WDR70: variants seen among roughly 807,000 people sequenced by gnomAD.
WDR70 encodes WD repeat domain 70, also known as WD repeat-containing protein 70.
Under a neutral mutation model 88.6 loss-of-function variants are expected in WDR70, and 53 were observed. The observed-to-expected ratio is 0.60, with a 90% CI of 0.48 to 0.75. The LOEUF (loss-of-function observed/expected upper bound fraction) is 0.75, where lower values mean the gene tolerates loss of function less well. Among genes scored for constraint, WDR70 ranks in the 30% least tolerant of loss-of-function variants. The pLI is 0.00. For missense variants in WDR70, 610 were observed against 823.2 expected (o/e 0.74, Z 3.17); for synonymous variants, 280 against 270.0 (o/e 1.04, Z -0.36).
At chr5:37,420,750 A>G (rs188291749) in intron 5 of WDR70, among the ~76,000 whole-genome samples, 1 of 152,156 alleles carries the variant, frequency 6.6e-6, no homozygotes, top group Non-Finnish European at 1.5e-5. Context: ...CGTCTCTACT[A>G]AAAATACAAA....
intron 5 of WDR70, among the ~76,000 whole-genome samples, chr5:37,409,856 T>C (rs1016138096): frequency 6.6e-6 from 1 of 152,192 alleles, no homozygotes; most frequent in East Asian, 1.9e-4. Flanking sequence ...CTCTTTCCCG[T>C]TATTTTTCAC....
intron 5 of WDR70, among the ~76,000 whole-genome samples, chr5:37,408,878 G>A (rs1176917816): frequency 6.6e-6 from 1 of 152,010 alleles, no homozygotes; most frequent in Non-Finnish European, 1.5e-5. Context: ...AAAGTTTATT[G>A]GTACTAATGC....
At chr5:37,723,566 T>G (rs1298809811) in intron 15 of WDR70, 1 of 152,338 alleles carries the variant, frequency 6.6e-6, no homozygotes, top group East Asian at 1.9e-4. Flanking sequence ...AGGAAAGAAA[T>G]AATGGATGCT....
At chr5:37,634,052 C>A (rs1426488138) in intron 10 of WDR70, among the ~76,000 whole-genome samples, 1 of 151,964 alleles carries the variant, frequency 6.6e-6, no homozygotes, top group Non-Finnish European at 1.5e-5. Context: ...GTAATCCCAG[C>A]ACTTTGGGAG....
chr5:37,674,955 G>A (rs1292447031), intron 10 of WDR70, among the ~76,000 whole-genome samples: 3 of 151,368 alleles, frequency 2.0e-5, no homozygotes, highest in Non-Finnish European at 2.9e-5. Context: ...TCTCATTGTG[G>A]TTTTGATTTG....
intron 5 of WDR70, among the ~76,000 whole-genome samples, chr5:37,403,888 G>A (rs1212844814): frequency 1.3e-5 from 2 of 152,204 alleles, no homozygotes; most frequent in Middle Eastern, 3.4e-3. Flanking sequence ...GACTACAGGT[G>A]CATACAACCA....
At chr5:37,748,156 A>T (rs1425195885) in intron 17 of WDR70, among the ~76,000 whole-genome samples, 1 of 152,254 alleles carries the variant, frequency 6.6e-6, no homozygotes, top group African/African-American at 2.4e-5. Flanking sequence ...TTCATATGGA[A>T]TCAAAGAAGA....
At chr5:37,430,988 G>T (rs1054194203) in intron 5 of WDR70, among the ~76,000 whole-genome samples, 3 of 151,972 alleles carry the variant, frequency 2.0e-5, no homozygotes, top group African/African-American at 7.3e-5. Flanking sequence ...TGGGTAGCTG[G>T]GACTACAGGC....
intron 17 of WDR70, among the ~76,000 whole-genome samples, chr5:37,747,889 T>C (rs1748680255): frequency 6.6e-6 from 1 of 152,042 alleles, no homozygotes; most frequent in South Asian, 2.1e-4. Context: ...CCATTCACAG[T>C]CACTACAAAG....
intron 9 of WDR70, among the ~76,000 whole-genome samples, chr5:37,568,347 A>G (rs912988524): frequency 1.3e-5 from 2 of 152,210 alleles, no homozygotes; most frequent in Admixed American, 6.5e-5. Flanking sequence ...TAAAAAATAC[A>G]TATTTAAAAG....
chr5:37,439,489 C>T (rs1342985360), intron 6 of WDR70, among the ~76,000 whole-genome samples: 2 of 151,980 alleles, frequency 1.3e-5, no homozygotes, highest in African/African-American at 2.4e-5. Flanking sequence ...TCATGAGTTT[C>T]ACAAGTTTGA....
At chr5:37,591,774 C>T (rs1743537611) in intron 9 of WDR70, among the ~76,000 whole-genome samples, 1 of 152,104 alleles carries the variant, frequency 6.6e-6, no homozygotes, top group Admixed American at 6.6e-5. Context: ...AAACAAAAAT[C>T]CTTAACGAAA....
At chr5:37,731,759 AAAATACTGATAT>A (rs1428900028) in intron 17 of WDR70, among the ~76,000 whole-genome samples, 1 of 152,204 alleles carries the variant, frequency 6.6e-6, no homozygotes, top group Non-Finnish European at 1.5e-5. Context: ...GATGTCTTCA[AAAATACTGATAT>A]AAATACTCTT....
chr5:37,534,560 C>T (rs752297541), intron 9 of WDR70, among the ~76,000 whole-genome samples: 2 of 146,514 alleles, frequency 1.4e-5, no homozygotes, highest in Non-Finnish European at 3.0e-5. Context: ...TGCAGAGGCA[C>T]AATTTGGGCT....
chr5:37,539,819 A>G lies in WDR70; in HGVS notation c.917+23229A>G, dbSNP rs1741763443. On this transcript the variant is annotated intron_variant, in intron 9 of 17. Coordinates refer to ENST00000265107, the MANE Select transcript of WDR70 (RefSeq NM_018034.4). ...CATTTTTTCCCCAATAAGGATAAAT[A>G]TTACAGCACAGGAATAATAGGCATC... 2.6e-5 allele frequency among the ~76,000 whole-genome samples: 4 copies of G among 152,338 alleles called. No individual in the cohort carries two copies. In the South Asian group the frequency reaches 8.3e-4, roughly 32 times the overall value.
chr5:37,515,945 T>A (rs1486325767), intron 8 of WDR70, among the ~76,000 whole-genome samples: 2 of 152,222 alleles, frequency 1.3e-5, no homozygotes, highest in Non-Finnish European at 2.9e-5. Context: ...TATAGTGTTT[T>A]TATATTCTCT....
chr5:37,427,829 A>G (rs1750181025), intron 5 of WDR70, among the ~76,000 whole-genome samples: 1 of 152,182 alleles, frequency 6.6e-6, no homozygotes. Context: ...AGATCGTGCC[A>G]CTGCACTCCA....
intron 5 of WDR70, among the ~76,000 whole-genome samples, chr5:37,435,647 T>TGGGATTGA (rs1750444350): frequency 6.6e-6 from 1 of 152,212 alleles, no homozygotes; most frequent in African/African-American, 2.4e-5. Context: ...AATCTGCTTT[T>TGGGATTGA]AGTCTGGGAT....
chr5:37,652,599 G>C (rs538745611), intron 10 of WDR70, among the ~76,000 whole-genome samples: 9 of 152,084 alleles, frequency 5.9e-5, no homozygotes, highest in Non-Finnish European at 1.2e-4. Flanking sequence ...ATTTGTTTAT[G>C]TCCTCTCTTA....
Sources: allele counts gnomAD v4.1 joint callset (sites outside exome capture counted in the v4.1 genomes callset), GRCh38; gene constraint gnomAD v4.1.1; transcripts MANE v1.5; gene names NCBI Gene and HGNC (gene_info 2026-07-23, HGNC 2026-07-21).